Variants in DMRT1 observed in about 807,000 individuals in gnomAD.
The protein encoded by DMRT1 is doublesex and mab-3 related transcription factor 1.
A neutral mutation model predicts 32.3 loss-of-function variants in DMRT1; 7 were observed. The observed-to-expected ratio is 0.22, with a 90% CI of 0.12 to 0.41. The LOEUF is 0.41. Ranked by LOEUF, DMRT1 falls within the 10% of genes least tolerant of loss-of-function variation. The pLI, the probability that DMRT1 is intolerant of heterozygous loss-of-function variation, is 1.00. For missense variants in DMRT1, 625 were observed against 500.5 expected (o/e 1.25, Z -2.37); for synonymous variants, 278 against 206.1 (o/e 1.35, Z -2.99).
intron 4 of DMRT1, among the ~76,000 whole-genome samples, chr9:950,105 G>C (rs1404162369): frequency 6.6e-6 from 1 of 151,996 alleles, no homozygotes; most frequent in African/African-American, 2.4e-5. Flanking sequence ...TCATACAGTA[G>C]TTTATTGAAG....
At chr9:951,325 C>T (rs1370577973) in intron 4 of DMRT1, among the ~76,000 whole-genome samples, 1 of 152,166 alleles carries the variant, frequency 6.6e-6, no homozygotes, top group Non-Finnish European at 1.5e-5. Context: ...TGGTAAATCA[C>T]TTTGAAAGGC....
intron 1 of DMRT1, chr9:842,845 G>A (rs906065102): frequency 1.3e-5 from 2 of 152,384 alleles, no homozygotes; most frequent in Admixed American, 6.5e-5. Context: ...GGGAATTCCG[G>A]GGTTCGCCCC....
chr9:889,663 A>C (rs1461723786), intron 2 of DMRT1, among the ~76,000 whole-genome samples: 2 of 152,194 alleles, frequency 1.3e-5, no homozygotes, highest in African/African-American at 4.8e-5. Flanking sequence ...GGCCTGATAA[A>C]AGGTTCAGAT....
chr9:956,015 C>A (rs1819588118), intron 4 of DMRT1, among the ~76,000 whole-genome samples: 1 of 152,192 alleles, frequency 6.6e-6, no homozygotes, highest in African/African-American at 2.4e-5. Context: ...AAGGTGGATG[C>A]AACGCAAATG....
rs186375300 is a variant in DMRT1 at position 915,381 on chromosome 9, A to G, written c.823-1382A>G. The stretch of plus-strand genomic sequence containing the variant: ...TCAAGTCATATCTTCTTAGCTTTGA[A>G]TGAGAATCAGGAAGCCACAGGGAAT... On this transcript the variant is annotated intron_variant, in intron 3 of 4. Transcript: ENST00000382276. Among the ~76,000 whole-genome samples the G allele has an allele frequency of 2.2e-3, 340 of 152,318 alleles. 2 individuals are homozygous for G. The highest frequency in any genetic ancestry group is 7.6e-3 in the African/African-American group (316 of 41,572).
intron 2 of DMRT1, among the ~76,000 whole-genome samples, chr9:848,548 CTTTCTT>C (rs1839003636): frequency 1.6e-5 from 2 of 122,594 alleles, no homozygotes; most frequent in African/African-American, 3.0e-5. Flanking sequence ...CTTTTGTTTC[CTTTCTT>C]TTTTTTTTTT....
Position 841,727 on chromosome 9 carries a change from A to T in DMRT1, c.-112A>T. The T allele has an allele frequency of 6.5e-7, 1 of 1,543,946 alleles. No individual in the cohort carries two copies. The highest frequency in any genetic ancestry group is 8.7e-7 in the Non-Finnish European group (1 of 1,145,824). On this transcript the variant is annotated 5_prime_UTR_variant, in exon 1 of 5. Coordinates refer to ENST00000382276, the MANE Select transcript of DMRT1 (RefSeq NM_021951.3). ...AGCTGCGCCTCCGGCTGCAGCGCAC[A>T]CGTCTCCTGCGCCTCCTCCTCCGGA...
chr9:954,429 A>G (rs1819527846), intron 4 of DMRT1, among the ~76,000 whole-genome samples: 1 of 151,848 alleles, frequency 6.6e-6, no homozygotes, highest in African/African-American at 2.4e-5. Flanking sequence ...GTAAGGAGGG[A>G]TGTGGCAGAG....
chr9:900,530 G>T (rs986985957), intron 3 of DMRT1, among the ~76,000 whole-genome samples: 2 of 152,096 alleles, frequency 1.3e-5, no homozygotes, highest in Non-Finnish European at 1.5e-5. Flanking sequence ...GCTGTAGGAA[G>T]GCGCAGTGAG....
chr9:899,251 A>G (rs1233051970), intron 3 of DMRT1, among the ~76,000 whole-genome samples: 1 of 152,218 alleles, frequency 6.6e-6, no homozygotes, highest in African/African-American at 2.4e-5. Context: ...CTAGAAAAAA[A>G]AAACTGACTC....
At position 916,795 on chromosome 9, in the gene DMRT1, C is replaced by A; in HGVS notation, c.855C>A (p.Ser285Arg). The change falls in exon 4 of 5, where the codon AGC becomes AGA. Residue 285 changes from serine (S) to arginine (R), a missense_variant. Ser to Arg is a moderately radical substitution (Grantham distance 110, BLOSUM62 -1). Around this residue, in one of 3 missense-constraint regions of DMRT1, gnomAD observed 416 missense variants for 321.6 expected, o/e 1.29. Transcript: ENST00000382276. ...MKNMENRHAM[S>R]SQYRMHSYYP... Reference sequence around the variant, plus strand: ...ACATGGAGAACCGCCATGCAATGAGCTCCCAGTACAGGATGCATTCTTACT... The same window carrying A: ...ACATGGAGAACCGCCATGCAATGAGATCCCAGTACAGGATGCATTCTTACT... 1.2e-6 allele frequency: 2 copies of A among 1,614,214 alleles called. No individual in the cohort carries two copies. The highest frequency in any genetic ancestry group is 1.7e-6 in the Non-Finnish European group (2 of 1,180,028).
intron 4 of DMRT1, 69 bp downstream of exon 4, chr9:916,976 G>A: frequency 6.4e-7 from 1 of 1,553,616 alleles, no homozygotes; most frequent in South Asian, 1.1e-5. Flanking sequence ...TGGGTCATTA[G>A]CTGTGTCTAA....
Position 916,865 on chromosome 9 carries a change from A to G in DMRT1, c.925A>G (p.Thr309Ala). 6.2e-7 allele frequency: 1 copy of G among 1,614,070 alleles called. No homozygotes were observed. Among genetic ancestry groups the G allele is most frequent in the Non-Finnish European group, 8.5e-7 (1 of 1,180,020 alleles). Residue 309 changes from threonine (T) to alanine (A), a missense_variant, in exon 4 of 5, where the codon ACT becomes GCT. Thr to Ala is a moderately conservative substitution (Grantham distance 58, BLOSUM62 0). This residue lies in a region of DMRT1 where 416 missense variants were observed against 321.6 expected (regional missense o/e 1.29). Coordinates refer to ENST00000382276, the MANE Select transcript of DMRT1 (RefSeq NM_021951.3). ...GGGCCAGAGCGTGCCCCAGTTCTTC[A>G]CTTTTGAGGATGCTCCCTCTTACCC... ...YLGQSVPQFF[T>A]FEDAPSYPEA...
intron 3 of DMRT1, among the ~76,000 whole-genome samples, chr9:909,674 A>G (rs1259729908): frequency 6.6e-6 from 1 of 151,866 alleles, no homozygotes. Flanking sequence ...TTTGCCATTT[A>G]AAAGACTGTA....
intron 2 of DMRT1, among the ~76,000 whole-genome samples, chr9:873,112 G>C (rs539098824): frequency 5.9e-5 from 9 of 152,264 alleles, no homozygotes; most frequent in Non-Finnish European, 8.8e-5. Flanking sequence ...CACCATCCTA[G>C]TGAGCACGAA....
At chr9:932,503 C>T (rs1360063649) in intron 4 of DMRT1, among the ~76,000 whole-genome samples, 3 of 152,166 alleles carry the variant, frequency 2.0e-5, no homozygotes, top group African/African-American at 7.2e-5. Flanking sequence ...AGCACTTTGA[C>T]ATAGATCATT....
At chr9:942,746 G>A (rs958372013) in intron 4 of DMRT1, among the ~76,000 whole-genome samples, 3 of 152,000 alleles carry the variant, frequency 2.0e-5, no homozygotes, top group African/African-American at 7.3e-5. Flanking sequence ...TGGTGATTTC[G>A]TAGCAACATC....
At chr9:862,874 C>T (rs1285311852) in intron 2 of DMRT1, among the ~76,000 whole-genome samples, 1 of 152,064 alleles carries the variant, frequency 6.6e-6, no homozygotes, top group African/African-American at 2.4e-5. Context: ...CCAAAAGATG[C>T]CTGTGCCCTA....
chr9:874,202 T>C (rs2132615677), intron 2 of DMRT1, among the ~76,000 whole-genome samples: 1 of 152,328 alleles, frequency 6.6e-6, no homozygotes, highest in East Asian at 1.9e-4. Context: ...CCTCTTGAAA[T>C]TTTTTCCCAG....
Sources: gnomAD v4.1 joint callset for allele counts (sites outside exome capture counted in the v4.1 genomes callset) on GRCh38, gnomAD v4.1.1 for gene constraint, gnomAD v4.1.1 regional missense constraint, MANE v1.5 for transcripts, NCBI Gene and HGNC (gene_info 2026-07-23, HGNC 2026-07-21) for gene names.